GLI3: variants seen among roughly 807,000 people sequenced by gnomAD.
The protein encoded by GLI3 is GLI family zinc finger 3.
A neutral mutation model predicts 100.8 loss-of-function variants in GLI3; 20 were observed. The ratio of observed to expected loss-of-function variants is 0.20; its 90% confidence interval spans 0.14 to 0.29. The LOEUF (loss-of-function observed/expected upper bound fraction) is 0.29. GLI3 is among the 10% of genes least tolerant of loss of function. The probability of loss-of-function intolerance (pLI) is 1.00; values close to 1 mark genes in which losing one functional copy is unlikely to be tolerated. For synonymous variants in GLI3, 938 were observed against 860.5 expected, an observed-to-expected ratio of 1.09 and a Z score of -1.58; for missense variants, 2,040 against 2,128.5, an observed-to-expected ratio of 0.96 and a Z score of 0.82.
intron 2 of GLI3, among the ~76,000 whole-genome samples, chr7:42,199,383 G>T (rs771663087): frequency 5.9e-5 from 9 of 152,150 alleles, no homozygotes; most frequent in Admixed American, 3.9e-4. Context: ...TTAAAAGCCC[G>T]TTAGAACTCT....
intron 3 of GLI3, among the ~76,000 whole-genome samples, chr7:42,097,979 T>C (rs1785378414): frequency 6.6e-6 from 1 of 152,180 alleles, no homozygotes; most frequent in Non-Finnish European, 1.5e-5. Flanking sequence ...AGGAGGCATA[T>C]GATATTATCT....
At chr7:42,054,996 A>AAT (rs530002793) in intron 4 of GLI3, among the ~76,000 whole-genome samples, 24 of 149,752 alleles carry the variant, frequency 1.6e-4, no homozygotes, top group African/African-American at 5.7e-4. Flanking sequence ...CCTTGCCTCA[A>AAT]ATATATATAT....
Position 42,113,001 on chromosome 7 carries a change from T to C in GLI3, c.367+35225A>G, listed in dbSNP as rs550724558. Reference sequence around the variant, plus strand: ...CAGCCTGGCCAACATGGTGAAACCCTGTCTCTACTAAAAATACAAAAATTA... The same window carrying C: ...CAGCCTGGCCAACATGGTGAAACCCCGTCTCTACTAAAAATACAAAAATTA... On this transcript the variant is annotated intron_variant, in intron 3 of 14. Coordinates refer to ENST00000395925, the MANE Select transcript of GLI3 (RefSeq NM_000168.6). Among the ~76,000 whole-genome samples the C allele has an allele frequency of 2.0e-3, 302 of 152,190 alleles. 10 individuals carry two copies. Among genetic ancestry groups the C allele is most frequent in the Admixed American group, 0.018 (277 of 15,284 alleles).
At chr7:42,083,793 G>C (rs1227655853) in intron 3 of GLI3, among the ~76,000 whole-genome samples, 1 of 152,106 alleles carries the variant, frequency 6.6e-6, no homozygotes, top group African/African-American at 2.4e-5. Context: ...TAGTAAAAGT[G>C]TTCATATTAA....
chr7:42,145,046 AT>A (rs2128784709), intron 3 of GLI3, among the ~76,000 whole-genome samples: 1 of 152,370 alleles, frequency 6.6e-6, no homozygotes, highest in Non-Finnish European at 1.5e-5. Context: ...TGTATGTCTC[AT>A]TTTAAAAAGA....
chr7:42,199,369 C>T (rs941279350), intron 2 of GLI3, among the ~76,000 whole-genome samples: 3 of 152,084 alleles, frequency 2.0e-5, no homozygotes, highest in African/African-American at 7.2e-5. Flanking sequence ...TTACAGAAAG[C>T]ACATTAAAAG....
intron 3 of GLI3, among the ~76,000 whole-genome samples, chr7:42,105,743 C>T (rs1785559219): frequency 6.6e-6 from 1 of 152,090 alleles, no homozygotes. Context: ...CTGTGTGTGT[C>T]CAGTGCTAGC....
At chr7:42,064,698 G>C (rs556087369) in intron 4 of GLI3, among the ~76,000 whole-genome samples, 2 of 152,112 alleles carry the variant, frequency 1.3e-5, no homozygotes, top group Non-Finnish European at 2.9e-5. Context: ...GCTGTGTTAC[G>C]CAGGAAGTAT....
intron 10 of GLI3, among the ~76,000 whole-genome samples, chr7:41,999,825 G>A (rs542212695): frequency 6.6e-6 from 1 of 152,242 alleles, no homozygotes; most frequent in South Asian, 2.1e-4. Flanking sequence ...CTCTGCCCAT[G>A]AAGCACATTT....
chr7:42,180,046 A>G (rs1043374439), intron 2 of GLI3, among the ~76,000 whole-genome samples: 4 of 152,176 alleles, frequency 2.6e-5, no homozygotes, highest in African/African-American at 4.8e-5. Flanking sequence ...CGAGCTCCCA[A>G]GGAATAAGTA....
intron 10 of GLI3, among the ~76,000 whole-genome samples, chr7:42,016,031 C>T (rs889275185): frequency 6.6e-6 from 1 of 152,024 alleles, no homozygotes; most frequent in Non-Finnish European, 1.5e-5. Context: ...GGAGGGAATG[C>T]GCAGGACAGC....
Position 42,148,358 on chromosome 7 carries a change from T to C in GLI3, c.235A>G (p.Ser79Gly). Residue 79 changes from serine (S) to glycine (G), a missense_variant, in exon 3 of 15, where the codon AGT (serine) becomes GGT (glycine). Ser to Gly is a moderately conservative substitution (Grantham distance 56, BLOSUM62 0). Around this residue, in one of 5 missense-constraint regions of GLI3, gnomAD observed 603 missense variants for 690.9 expected, o/e 0.87. Coordinates refer to ENST00000395925, the MANE Select transcript of GLI3 (RefSeq NM_000168.6). ...SKVSEEPSTS[S>G]DERASLIKKE... ...TTGATCAATGAGGCCCTCTCGTCAC[T>C]CGATGTTGAAGGTTCCTCACTGACT... 1.9e-6 allele frequency: 3 copies of C among 1,614,134 alleles called. No individual in the cohort carries two copies. The highest frequency in any genetic ancestry group is 2.5e-6 in the Non-Finnish European group (3 of 1,180,020).
At chr7:42,054,440 G>A (rs1186884687) in intron 4 of GLI3, among the ~76,000 whole-genome samples, 1 of 152,120 alleles carries the variant, frequency 6.6e-6, no homozygotes, top group Non-Finnish European at 1.5e-5. Context: ...CATTGCTTGG[G>A]ATACTGGAAA....
intron 3 of GLI3, among the ~76,000 whole-genome samples, chr7:42,084,930 T>TTTTTTTTTTC (rs1785071558): frequency 9.6e-6 from 1 of 104,122 alleles, no homozygotes; most frequent in African/African-American, 4.1e-5. Context: ...TTTTTTTTTT[T>TTTTTTTTTTC]AGATTGAGTC....
intron 7 of GLI3, among the ~76,000 whole-genome samples, chr7:42,033,867 A>G (rs898511188): frequency 6.6e-6 from 1 of 152,250 alleles, no homozygotes; most frequent in Non-Finnish European, 1.5e-5. Context: ...GGGCAAGTTT[A>G]TTGGAAACCC....
intron 1 of GLI3, among the ~76,000 whole-genome samples, chr7:42,262,526 C>T (rs1175662274): frequency 1.3e-5 from 2 of 152,146 alleles, no homozygotes; most frequent in Non-Finnish European, 2.9e-5. Context: ...TCCCAAAGTA[C>T]TGGGATTACA....
intron 2 of GLI3, among the ~76,000 whole-genome samples, chr7:42,158,553 A>C (rs1268167787): frequency 6.6e-6 from 1 of 151,732 alleles, no homozygotes; most frequent in Non-Finnish European, 1.5e-5. Context: ...TCAAAGGCAC[A>C]ATCTTAGCTC....
intron 3 of GLI3, among the ~76,000 whole-genome samples, chr7:42,096,520 C>A (rs768660770): frequency 1.4e-4 from 21 of 152,208 alleles, no homozygotes; most frequent in Non-Finnish European, 3.1e-4. Flanking sequence ...GGGTACAGGG[C>A]ATTCCTCTTG....
At chr7:42,029,461 G>A (rs1583808921) in intron 7 of GLI3, among the ~76,000 whole-genome samples, 1 of 152,148 alleles carries the variant, frequency 6.6e-6, no homozygotes, top group African/African-American at 2.4e-5. Context: ...TGCCTCCCAC[G>A]CATACCCTCA....
Sources: allele counts gnomAD v4.1 joint callset (sites outside exome capture counted in the v4.1 genomes callset), GRCh38; gene constraint gnomAD v4.1.1; regional missense constraint gnomAD v4.1.1; transcripts MANE v1.5; gene names NCBI Gene and HGNC (gene_info 2026-07-23, HGNC 2026-07-21).